The following LSAMP variants were observed in gnomAD, a reference collection of about 807,000 sequenced individuals.
LSAMP encodes limbic system associated membrane protein.
A neutral mutation model predicts 38.6 loss-of-function variants in LSAMP; 7 were observed. The observed-to-expected ratio is 0.18, with a 90% CI of 0.10 to 0.34. The LOEUF (loss-of-function observed/expected upper bound fraction) is 0.34, where lower values mean the gene tolerates loss of function less well. Among genes scored for constraint, LSAMP ranks in the 10% least tolerant of loss-of-function variants. The probability of loss-of-function intolerance (pLI) is 1.00; values close to 1 mark genes in which losing one functional copy is unlikely to be tolerated. For missense variants in LSAMP, 313 were observed against 420.0 expected (o/e 0.75, Z 2.23); for synonymous variants, 154 against 166.8 (o/e 0.92, Z 0.59).
At chr3:116,057,372 T>C (rs71323425) in intron 2 of LSAMP, among the ~76,000 whole-genome samples, 4,723 of 152,286 alleles carry the variant, frequency 0.031, 84 homozygotes, top group Non-Finnish European at 0.046. Flanking sequence ...TTTATCTGCG[T>C]AGCATCTTTT....
chr3:116,341,564 T>A (rs1303899631), intron 1 of LSAMP, among the ~76,000 whole-genome samples: 1 of 151,918 alleles, frequency 6.6e-6, no homozygotes, highest in Non-Finnish European at 1.5e-5. Flanking sequence ...AACCAATACA[T>A]CTTGAGCAAA....
intron 6 of LSAMP, among the ~76,000 whole-genome samples, chr3:115,836,134 A>T (rs1336681789): frequency 6.6e-6 from 1 of 152,118 alleles, no homozygotes; most frequent in Non-Finnish European, 1.5e-5. Context: ...GACCATTTAT[A>T]TTGCTAAACC....
chr3:115,869,214 G>A lies in LSAMP; in HGVS notation c.515-16597C>T, dbSNP rs72953467. Among the ~76,000 whole-genome samples, 1,362 of 150,844 alleles carry A rather than the reference G, an allele frequency of 9.0e-3. 27 individuals are homozygous for A. The highest frequency in any genetic ancestry group is 0.032 in the African/African-American group (1,315 of 41,202). ...AGCCATAAACAAAAAGCCAGATTAG[G>A]TCAGGAGATCATTTGACATCTCTTG... On this transcript the variant is annotated intron_variant, in intron 3 of 6. Coordinates refer to ENST00000490035, the MANE Select transcript of LSAMP (RefSeq NM_002338.5).
At chr3:116,163,638 T>C (rs527554868) in intron 1 of LSAMP, among the ~76,000 whole-genome samples, 53 of 152,206 alleles carry the variant, frequency 3.5e-4, no homozygotes, top group African/African-American at 1.3e-3. Context: ...TCTAGATCCC[T>C]GAGGAATCGC....
intron 1 of LSAMP, among the ~76,000 whole-genome samples, chr3:116,311,309 C>T (rs535879423): frequency 5.9e-5 from 9 of 152,158 alleles, no homozygotes; most frequent in African/African-American, 2.2e-4. Context: ...TCAAAATTGG[C>T]TGGACATTGA....
rs149910284 is a variant in LSAMP, at chr3:116,106,252, A to G, written c.156-19696T>C. ...GATAGCACCAGGAGATATCAGCTGT[A>G]ATGGCTTGGAGAAACAGTGTAAACC... On this transcript the variant is annotated intron_variant, in intron 1 of 6. Transcript: ENST00000490035. Among the ~76,000 whole-genome samples, 1,205 of 152,278 alleles carry G rather than the reference A, an allele frequency of 7.9e-3. 12 individuals carry two copies. The highest frequency in any genetic ancestry group is 0.026 in the African/African-American group (1,098 of 41,548).
At chr3:115,918,386 T>TA (rs1266545687) in intron 3 of LSAMP, among the ~76,000 whole-genome samples, 1 of 152,200 alleles carries the variant, frequency 6.6e-6, no homozygotes, top group African/African-American at 2.4e-5. Context: ...GTTCTTTCAG[T>TA]AAAACAAATC....
chr3:115,834,134 T>C (rs954696312), intron 6 of LSAMP, among the ~76,000 whole-genome samples: 1 of 152,142 alleles, frequency 6.6e-6, no homozygotes, highest in African/African-American at 2.4e-5. Flanking sequence ...AATATATACA[T>C]TAATTTTTAT....
chr3:116,214,096 G>C (rs2046193083), intron 1 of LSAMP, among the ~76,000 whole-genome samples: 1 of 152,076 alleles, frequency 6.6e-6, no homozygotes, highest in Admixed American at 6.6e-5. Flanking sequence ...AAATTTATGG[G>C]ATATTTAAAA....
intron 3 of LSAMP, among the ~76,000 whole-genome samples, chr3:115,986,443 G>A (rs1939511172): frequency 6.6e-6 from 1 of 152,158 alleles, no homozygotes; most frequent in South Asian, 2.1e-4. Context: ...AAAATAATGA[G>A]CCCAGACTAA....
At chr3:116,276,690 A>T (rs1403859101) in intron 1 of LSAMP, among the ~76,000 whole-genome samples, 1 of 152,022 alleles carries the variant, frequency 6.6e-6, no homozygotes, top group African/African-American at 2.4e-5. Flanking sequence ...AAAAGAAAAA[A>T]AAAAAAAGAA....
intron 1 of LSAMP, among the ~76,000 whole-genome samples, chr3:116,234,134 T>C (rs2046437443): frequency 6.6e-6 from 1 of 152,244 alleles, no homozygotes; most frequent in Non-Finnish European, 1.5e-5. Flanking sequence ...AGCCTTTCTC[T>C]ATGCATACTC....
chr3:116,383,560 G>A (rs1388521237), intron 1 of LSAMP, among the ~76,000 whole-genome samples: 1 of 152,050 alleles, frequency 6.6e-6, no homozygotes, highest in African/African-American at 2.4e-5. Context: ...TTAAGTGCCT[G>A]TCCAGTATCC....
At chr3:115,935,212 G>A (rs1937659073) in intron 3 of LSAMP, among the ~76,000 whole-genome samples, 1 of 152,158 alleles carries the variant, frequency 6.6e-6, no homozygotes, top group Non-Finnish European at 1.5e-5. Flanking sequence ...GATAGAGGTA[G>A]TAAAGTTCAT....
intron 2 of LSAMP, among the ~76,000 whole-genome samples, chr3:116,044,362 C>T (rs1941245009): frequency 6.6e-6 from 1 of 152,132 alleles, no homozygotes; most frequent in Non-Finnish European, 1.5e-5. Context: ...CTTGTTTCCT[C>T]CCATTTAGCA....
intron 3 of LSAMP, among the ~76,000 whole-genome samples, chr3:115,947,735 A>G (rs1938149169): frequency 2.0e-5 from 3 of 152,218 alleles, no homozygotes; most frequent in Admixed American, 1.3e-4. Flanking sequence ...AAAGACTCCA[A>G]CTGGCAATTA....
rs1465809880 is a variant in LSAMP, at chr3:116,131,953, G to A, written c.156-45397C>T. ...AGTGATTCTCGTGCCTCAGTCTCCC[G>A]AGTAGCTGGAATTATAGGTGCACAC... On this transcript the variant is annotated intron_variant, in intron 1 of 6. Transcript: ENST00000490035. Among the ~76,000 whole-genome samples the A allele has an allele frequency of 7.9e-5, 12 of 151,536 alleles. No homozygotes were observed. In the East Asian group the frequency reaches 1.9e-3, roughly 25 times the overall value.
chr3:116,305,265 A>G (rs2047466964), intron 1 of LSAMP, among the ~76,000 whole-genome samples: 1 of 152,114 alleles, frequency 6.6e-6, no homozygotes, highest in Admixed American at 6.6e-5. Flanking sequence ...TAATTTACAC[A>G]ACTGGGTCAA....
chr3:116,422,518 C>A (rs1015898984), intron 1 of LSAMP, among the ~76,000 whole-genome samples: 1 of 152,042 alleles, frequency 6.6e-6, no homozygotes, highest in Admixed American at 6.6e-5. Context: ...TGGAACCAGT[C>A]CCCCAGAACA....
Sources: gnomAD v4.1 joint callset for allele counts (sites outside exome capture counted in the v4.1 genomes callset) on GRCh38, gnomAD v4.1.1 for gene constraint, MANE v1.5 for transcripts, NCBI Gene and HGNC (gene_info 2026-07-23, HGNC 2026-07-21) for gene names.